The following ATP9A variants were observed in gnomAD, a reference collection of about 807,000 sequenced individuals.
ATP9A encodes ATPase phospholipid transporting 9A, also known as probable phospholipid-transporting ATPase IIA.
A neutral mutation model predicts 144.1 loss-of-function variants in ATP9A; 52 were observed. The observed-to-expected ratio is 0.36, with a 90% CI of 0.29 to 0.45. The LOEUF is 0.45. Ranked by LOEUF, ATP9A falls within the 20% of genes least tolerant of loss-of-function variation. The pLI is 1.00. For synonymous variants in ATP9A, 582 were observed against 557.4 expected (o/e 1.04, Z -0.62); for missense variants, 947 against 1,392.7 (o/e 0.68, Z 5.09).
At chr20:51,647,805 CAG>C (rs1435882770) in intron 14 of ATP9A, among the ~76,000 whole-genome samples, 4 of 152,112 alleles carry the variant, frequency 2.6e-5, no homozygotes, top group Non-Finnish European at 5.9e-5. Flanking sequence ...TCACATGGGA[CAG>C]AGCTTTTGCC....
chr20:51,757,932 C>T (rs541612246), intron 1 of ATP9A, among the ~76,000 whole-genome samples: 11 of 152,002 alleles, frequency 7.2e-5, no homozygotes, highest in Admixed American at 6.6e-5. Flanking sequence ...AATGTATAAG[C>T]ACAACCAACT....
chr20:51,675,145 T>C (rs1204602337), intron 10 of ATP9A, among the ~76,000 whole-genome samples: 1 of 152,192 alleles, frequency 6.6e-6, no homozygotes. Context: ...AATACATTTA[T>C]CTTCATGTCT....
chr20:51,601,455 A>G, intron 27 of ATP9A, 108 bp from the exon 28 acceptor site: 1 of 1,182,098 alleles, frequency 8.5e-7, no homozygotes, highest in Non-Finnish European at 1.2e-6. Context: ...ATCTCCCGTC[A>G]CAAACCCACA....
chr20:51,719,528 A>G (rs2077678914), intron 3 of ATP9A, among the ~76,000 whole-genome samples: 1 of 151,556 alleles, frequency 6.6e-6, no homozygotes, highest in Non-Finnish European at 1.5e-5. Context: ...AGGTCAAGAG[A>G]TCAAGACCAT....
At chr20:51,682,781 C>A (rs1232435069) in intron 9 of ATP9A, among the ~76,000 whole-genome samples, 2 of 146,630 alleles carry the variant, frequency 1.4e-5, no homozygotes, top group African/African-American at 5.0e-5. Context: ...TTAGTAGAGG[C>A]GGGGTTTTAC....
intron 22 of ATP9A, 35 bp downstream of exon 22, chr20:51,617,454 CA>C (rs1294577277): frequency 3.1e-6 from 5 of 1,589,290 alleles, no homozygotes; most frequent in Non-Finnish European, 4.3e-6. Flanking sequence ...CAAGAAACTA[CA>C]GCAAGTGGAG....
intron 4 of ATP9A, among the ~76,000 whole-genome samples, chr20:51,709,466 G>A (rs1378660127): frequency 6.6e-6 from 1 of 152,172 alleles, no homozygotes; most frequent in East Asian, 1.9e-4. Flanking sequence ...AGTGAGCCGA[G>A]ATCGCGCCAT....
chr20:51,610,159 A>G lies in ATP9A; in HGVS notation c.2578T>C (p.Phe860Leu). 6.2e-7 allele frequency: 1 copy of G among 1,609,238 alleles called. No individual in the cohort carries two copies. The highest frequency in any genetic ancestry group is 8.5e-7 in the Non-Finnish European group (1 of 1,175,498). Residue 860 changes from phenylalanine (F) to leucine (L), a missense_variant, in exon 24 of 28, where the codon TTT (phenylalanine) becomes CTT (leucine). Phe to Leu is a conservative substitution (Grantham distance 22, BLOSUM62 0). Coordinates refer to ENST00000338821, the MANE Select transcript of ATP9A (RefSeq NM_006045.3). ...SLCISTMQAV[F>L]SSVFYFASVP... ...GAGGCAAAGTAAAACACGGAGGAAAAGACAGCCTGTGCCAAGGAGAGAGGA... is the reference window on the plus strand; with the variant it reads ...GAGGCAAAGTAAAACACGGAGGAAAGGACAGCCTGTGCCAAGGAGAGAGGA...
chr20:51,729,127 C>A (rs1403269093), intron 2 of ATP9A, among the ~76,000 whole-genome samples: 1 of 152,178 alleles, frequency 6.6e-6, no homozygotes, highest in Non-Finnish European at 1.5e-5. Context: ...AAGCTATTAT[C>A]TCCCAACTTG....
intron 14 of ATP9A, among the ~76,000 whole-genome samples, chr20:51,649,912 CAA>C (rs3029336): frequency 7.4e-5 from 8 of 107,684 alleles, no homozygotes; most frequent in Admixed American, 9.5e-5. Flanking sequence ...GAATCCGTCT[CAA>C]AAAAAAAAAA....
At chr20:51,661,100 C>T (rs1259353105) in intron 13 of ATP9A, among the ~76,000 whole-genome samples, 1 of 152,154 alleles carries the variant, frequency 6.6e-6, no homozygotes, top group Non-Finnish European at 1.5e-5. Context: ...TCCTATAAAG[C>T]CCCTGAGTCA....
chr20:51,619,576 AGG>A (rs61359027), intron 19 of ATP9A, among the ~76,000 whole-genome samples: 5,530 of 86,604 alleles, frequency 0.064, 247 homozygotes, highest in African/African-American at 0.16. Context: ...AAAAAAAAAA[AGG>A]GGGGGGGGGG....
intron 14 of ATP9A, among the ~76,000 whole-genome samples, chr20:51,652,301 T>G (rs1379580675): frequency 6.6e-6 from 1 of 152,184 alleles, no homozygotes; most frequent in East Asian, 1.9e-4. Flanking sequence ...ATAAAGACAC[T>G]TCAAGGTTCC....
chr20:51,712,889 C>T, intron 4 of ATP9A, 77 bp downstream of exon 4: 2 of 1,346,254 alleles, frequency 1.5e-6, no homozygotes, highest in South Asian at 2.5e-5. Context: ...CGGCCCGGGC[C>T]TTGAACTCTT....
chr20:51,725,732 C>A, intron 3 of ATP9A, 87 bp downstream of exon 3: 2 of 909,878 alleles, frequency 2.2e-6, no homozygotes. Flanking sequence ...GCCACCATCC[C>A]ATTCCAGATG....
rs2077467713 is a variant in ATP9A, at chr20:51,674,175, A to G, written c.1015T>C (p.Phe339Leu). Residue 339 changes from phenylalanine (F) to leucine (L), a missense_variant, in exon 11 of 28, where the codon TTT becomes CTT. By Grantham distance (22) the Phe-to-Leu change is conservative (BLOSUM62 0). Coordinates refer to ENST00000338821, the MANE Select transcript of ATP9A (RefSeq NM_006045.3). ...YLQIIRFLLL[F>L]SNIIPISLRV... ...TACCTAATGGGGATGATGTTGGAAA[A>G]CAAGAGGAGGAAGCGGATGATCTGC... The G allele has an allele frequency of 6.2e-7, 1 of 1,613,862 alleles. No homozygotes were observed. The highest frequency in any genetic ancestry group is 8.5e-7 in the Non-Finnish European group (1 of 1,180,012).
intron 9 of ATP9A, among the ~76,000 whole-genome samples, chr20:51,687,015 A>G (rs1022515925): frequency 1.3e-5 from 2 of 152,106 alleles, no homozygotes; most frequent in Non-Finnish European, 2.9e-5. Context: ...AATCTAGGAA[A>G]TTCAAACTGA....
At chr20:51,645,997 A>C (rs2077340836) in intron 14 of ATP9A, among the ~76,000 whole-genome samples, 1 of 152,246 alleles carries the variant, frequency 6.6e-6, no homozygotes, top group Admixed American at 6.5e-5. Flanking sequence ...AAGGTGGATG[A>C]ATGAACAGAT....
intron 22 of ATP9A, among the ~76,000 whole-genome samples, chr20:51,615,742 TCTC>T (rs1456961160): frequency 1.3e-5 from 2 of 152,120 alleles, no homozygotes; most frequent in African/African-American, 4.8e-5. Context: ...TTCAAGCAAT[TCTC>T]CTGCCTCAGC....
Sources: gnomAD v4.1 joint callset for allele counts (sites outside exome capture counted in the v4.1 genomes callset) on GRCh38, gnomAD v4.1.1 for gene constraint, MANE v1.5 for transcripts, NCBI Gene and HGNC (gene_info 2026-07-23, HGNC 2026-07-21) for gene names.